DGKB: variants seen among roughly 807,000 people sequenced by gnomAD.
The protein encoded by DGKB is diacylglycerol kinase beta, also known as 90 kDa diacylglycerol kinase.
DGKB carries 67 observed loss-of-function variants against 114.3 expected under a neutral mutation model. The observed-to-expected ratio is 0.59, with a 90% CI of 0.48 to 0.72. DGKB has a LOEUF of 0.72. Among genes scored for constraint, DGKB ranks in the 30% least tolerant of loss-of-function variants. The pLI, the probability that DGKB is intolerant of heterozygous loss-of-function variation, is 0.00. For missense variants in DGKB, 907 were observed against 975.2 expected, an observed-to-expected ratio of 0.93 and a Z score of 0.93; for synonymous variants, 398 against 323.1, an observed-to-expected ratio of 1.23 and a Z score of -2.49.
intron 1 of DGKB, among the ~76,000 whole-genome samples, chr7:14,898,101 C>T (rs910234934): frequency 6.6e-6 from 1 of 151,768 alleles, no homozygotes. Flanking sequence ...CTGTTGGGCC[C>T]GTGGTAGAAT....
At chr7:14,280,418 C>T (rs958474636) in intron 23 of DGKB, among the ~76,000 whole-genome samples, 1 of 151,948 alleles carries the variant, frequency 6.6e-6, no homozygotes, top group African/African-American at 2.4e-5. Flanking sequence ...AGAATGGAAC[C>T]GAGTTGGAAA....
intron 20 of DGKB, among the ~76,000 whole-genome samples, chr7:14,553,759 A>G (rs1475886965): frequency 6.9e-6 from 1 of 145,390 alleles, no homozygotes; most frequent in Non-Finnish European, 1.5e-5. Context: ...AAGAAGTTTT[A>G]TTTCTCTCTG....
intron 1 of DGKB, among the ~76,000 whole-genome samples, chr7:14,875,848 A>G (rs1853202893): frequency 6.6e-6 from 1 of 151,924 alleles, no homozygotes; most frequent in Admixed American, 6.6e-5. Flanking sequence ...GTGGTTCATC[A>G]GCTGTCATTA....
intron 23 of DGKB, among the ~76,000 whole-genome samples, chr7:14,251,130 A>T (rs768940514): frequency 1.3e-5 from 2 of 152,076 alleles, no homozygotes; most frequent in Non-Finnish European, 2.9e-5. Flanking sequence ...CTCAAATTTA[A>T]TGTAATTGTT....
intron 14 of DGKB, among the ~76,000 whole-genome samples, chr7:14,621,714 G>A (rs1807691530): frequency 6.6e-6 from 1 of 151,804 alleles, no homozygotes; most frequent in African/African-American, 2.4e-5. Flanking sequence ...TAATGAGAAA[G>A]AATACCAAAT....
At chr7:14,371,569 T>C (rs184760517) in intron 21 of DGKB, among the ~76,000 whole-genome samples, 197 of 152,312 alleles carry the variant, frequency 1.3e-3, no homozygotes, top group Admixed American at 3.7e-3. Context: ...TATTAGACCT[T>C]TGTCAGATGC....
chr7:14,687,735 GT>G (rs1821970160), intron 9 of DGKB, among the ~76,000 whole-genome samples: 1 of 152,080 alleles, frequency 6.6e-6, no homozygotes, highest in Non-Finnish European at 1.5e-5. Context: ...ATATATTACT[GT>G]TCTTGTAATT....
intron 1 of DGKB, among the ~76,000 whole-genome samples, chr7:14,943,653 T>C (rs1340208386): frequency 5.6e-5 from 7 of 124,066 alleles, no homozygotes; most frequent in Middle Eastern, 4.2e-3. Context: ...CACACACATA[T>C]ATATATCTCC....
chr7:14,969,721 G>C (rs1262043919), intron 1 of DGKB, among the ~76,000 whole-genome samples: 1 of 152,154 alleles, frequency 6.6e-6, no homozygotes, highest in Non-Finnish European at 1.5e-5. Context: ...TCATGAAACA[G>C]GTCCTTCATG....
intron 23 of DGKB, among the ~76,000 whole-genome samples, chr7:14,207,325 G>A (rs184666306): frequency 7.9e-5 from 12 of 152,166 alleles, no homozygotes; most frequent in East Asian, 7.8e-4. Context: ...TTTGCCAGTC[G>A]GGTGCATTGG....
intron 21 of DGKB, among the ~76,000 whole-genome samples, chr7:14,447,911 G>A (rs1394372507): frequency 1.3e-5 from 2 of 152,010 alleles, no homozygotes; most frequent in African/African-American, 2.4e-5. Context: ...ACGGTGCTTG[G>A]TCAAAATAAA....
chr7:14,765,472 CGTT>C (rs1836314377), intron 2 of DGKB, among the ~76,000 whole-genome samples: 1 of 151,912 alleles, frequency 6.6e-6, no homozygotes, highest in African/African-American at 2.4e-5. Flanking sequence ...TATTTATTAT[CGTT>C]GTTAATCCTC....
At chr7:14,297,930 A>T (rs1157413307) in intron 23 of DGKB, among the ~76,000 whole-genome samples, 2 of 152,206 alleles carry the variant, frequency 1.3e-5, no homozygotes, top group African/African-American at 4.8e-5. Context: ...CAGAGAGCCA[A>T]ATCATGAGTT....
At chr7:14,415,763 T>C (rs1825631335) in intron 21 of DGKB, among the ~76,000 whole-genome samples, 1 of 152,302 alleles carries the variant, frequency 6.6e-6, no homozygotes, top group South Asian at 2.1e-4. Flanking sequence ...CAGCATGATT[T>C]ATAATCCTTT....
intron 23 of DGKB, among the ~76,000 whole-genome samples, chr7:14,303,321 G>C (rs189730749): frequency 2.0e-5 from 3 of 152,158 alleles, no homozygotes; most frequent in Admixed American, 1.3e-4. Flanking sequence ...ACTTGGATGT[G>C]TATGACTGTA....
chr7:14,786,670 G>A (rs1335501678), intron 2 of DGKB, among the ~76,000 whole-genome samples: 2 of 152,180 alleles, frequency 1.3e-5, no homozygotes, highest in Admixed American at 6.5e-5. Context: ...TGTGATTTCC[G>A]AGCAAAGTTG....
At chr7:14,543,663 T>C (rs1285789319) in intron 20 of DGKB, among the ~76,000 whole-genome samples, 1 of 152,128 alleles carries the variant, frequency 6.6e-6, no homozygotes, top group Non-Finnish European at 1.5e-5. Flanking sequence ...ATAATTAAAT[T>C]AAAAACTATT....
At chr7:14,623,854 G>A (rs182267054) in intron 14 of DGKB, among the ~76,000 whole-genome samples, 17 of 152,216 alleles carry the variant, frequency 1.1e-4, no homozygotes, top group Admixed American at 3.3e-4. Flanking sequence ...ATGAGGTCTC[G>A]AATCAGAATG....
rs184937704 is a variant in DGKB at position 14,291,433 on chromosome 7, T to C, written c.2122+47082A>G. Among the ~76,000 whole-genome samples the C allele has an allele frequency of 3.8e-3, 581 of 152,282 alleles. 3 individuals carry two copies. The highest frequency in any genetic ancestry group is 0.013 in the African/African-American group (555 of 41,570). ...ATTTTATTTATGCTTTAAGTAGCCA[T>C]GAGACTGCACTGCTTGAAGTAAAAT... On this transcript the variant is annotated intron_variant, in intron 23 of 25. Coordinates refer to ENST00000402815, the MANE Select transcript of DGKB (RefSeq NM_001350709.2).
Sources: gnomAD v4.1 joint callset for allele counts (sites outside exome capture counted in the v4.1 genomes callset) on GRCh38, gnomAD v4.1.1 for gene constraint, MANE v1.5 for transcripts, NCBI Gene and HGNC (gene_info 2026-07-23, HGNC 2026-07-21) for gene names.